The following PARVB variants were observed in gnomAD, a reference collection of about 807,000 sequenced individuals.
PARVB encodes beta-parvin.
A neutral mutation model predicts 47.0 loss-of-function variants in PARVB; 46 were observed. The observed-to-expected ratio is 0.98, with a 90% CI of 0.77 to 1.25. PARVB has a LOEUF of 1.25. Among genes scored for constraint, PARVB ranks in the 50% most tolerant of loss-of-function variants. The pLI is 0.00. For missense variants in PARVB, 473 were observed against 471.6 expected (o/e 1.00, Z -0.03); for synonymous variants, 196 against 196.3 (o/e 1.00, Z 0.01).
At position 44,039,888 on chromosome 22, in the gene PARVB, C is replaced by T. The variant is rs751817609; in HGVS notation, c.112+15437C>T. On this transcript the variant is annotated intron_variant, in intron 1 of 12. Transcript: ENST00000338758. Reference sequence around the variant, plus strand: ...GAAGTGCAGTGGTGCAGTCATAGCTCACTGCAGCCTCGAACTCCTGGCCTC... The same window carrying T: ...GAAGTGCAGTGGTGCAGTCATAGCTTACTGCAGCCTCGAACTCCTGGCCTC... 2.9e-5 allele frequency: 13 copies of T among 455,108 alleles called. No homozygotes were observed. In the East Asian group the frequency reaches 4.2e-4, roughly 15 times the overall value. 28.2% of individuals were successfully genotyped at this position (455,108 alleles called of 1,614,324 possible).
In PARVB at chr22:44,016,085, TTC is replaced by T. The variant is rs59304010; in HGVS notation, c.211+16414_211+16415del. Among the ~76,000 whole-genome samples, 169 of 108,542 alleles carry T rather than the reference TTC, an allele frequency of 1.6e-3. 2 individuals are homozygous for T. The highest frequency in any genetic ancestry group is 7.1e-3 in the African/African-American group (163 of 23,046). The allele number at this position is 108,542 out of a possible 152,430, so 71.2% of individuals were successfully genotyped here. A position where few individuals can be genotyped will look rare whatever the true frequency, so the allele number is the denominator to read the frequency against. On this transcript the variant is annotated intron_variant, in intron 2 of 13. Coordinates refer to the PARVB transcript ENST00000406477. ...AGAGCTCTTCTCTGTCTTTTTCTTT[TTC>T]TTTCTTTCTTTCTTTTTTTTTTTTT...
intron 1 of PARVB, chr22:44,069,027 G>A (rs759863604): frequency 5.7e-6 from 7 of 1,217,678 alleles, no homozygotes; most frequent in African/African-American, 1.5e-5. Flanking sequence ...CCCCAAAGAG[G>A]CTTTCCCTTG....
At chr22:44,030,815 C>T (rs970058949) in intron 1 of PARVB, among the ~76,000 whole-genome samples, 3 of 152,136 alleles carry the variant, frequency 2.0e-5, no homozygotes, top group South Asian at 2.1e-4. Context: ...GACTTCTTCT[C>T]GTTTCCAGGC....
chr22:44,087,493 C>T (rs983695927), intron 1 of PARVB, among the ~76,000 whole-genome samples: 1 of 152,190 alleles, frequency 6.6e-6, no homozygotes, highest in Non-Finnish European at 1.5e-5. Context: ...CCCCCGTGTC[C>T]TGCCCTGGTT....
intron 3 of PARVB, chr22:44,113,815 A>T (rs2052778798): frequency 1.5e-5 from 1 of 67,320 alleles, no homozygotes; most frequent in Admixed American, 1.3e-4. Flanking sequence ...ACCAACACAG[A>T]TACGTTGTTA....
At chr22:44,058,809 C>G (rs997957937) in intron 1 of PARVB, among the ~76,000 whole-genome samples, 1 of 152,120 alleles carries the variant, frequency 6.6e-6, no homozygotes, top group Non-Finnish European at 1.5e-5. Flanking sequence ...CCTGCCTCAG[C>G]CTCCCAAAGT....
Position 44,068,184 on chromosome 22 carries a change from G to C in PARVB, c.113-25744G>C, listed in dbSNP as rs571042846. Among the ~76,000 whole-genome samples the C allele has an allele frequency of 9.2e-5, 14 of 152,326 alleles. No homozygotes were observed. The South Asian group carries it at 2.9e-3, about 32-fold the overall frequency. ...AAAGAGCTTCCACAGGGAGTTGGGG[G>C]ACTGGTAATTGGAATAAATAAAAGC... On this transcript the variant is annotated intron_variant, in intron 1 of 12. Transcript: ENST00000338758. This position sits in a 1 kb window ranked among gnomAD's most constrained non-coding sequence, Gnocchi z 4.1.
At chr22:44,122,941 C>T (rs1047484776) in intron 4 of PARVB, among the ~76,000 whole-genome samples, 2 of 152,144 alleles carry the variant, frequency 1.3e-5, no homozygotes, top group African/African-American at 2.4e-5. Flanking sequence ...TTTCTATCAC[C>T]AGTAATATTG....
In PARVB at chr22:44,049,416, T is replaced by G. The variant is rs1165749116; in HGVS notation, c.112+24965T>G. Among the ~76,000 whole-genome samples, 2 of 152,230 alleles carry G rather than the reference T, an allele frequency of 1.3e-5. No homozygotes were observed. Among genetic ancestry groups the G allele is most frequent in the Non-Finnish European group, 2.9e-5 (2 of 68,038 alleles). Reference sequence around the variant, plus strand: ...AAGTTTAGCTCCTGTCTGATTAAATTTGAGGTTCGTTTCTCAAGTTTAGCT... The same window carrying G: ...AAGTTTAGCTCCTGTCTGATTAAATGTGAGGTTCGTTTCTCAAGTTTAGCT... On this transcript the variant is annotated intron_variant, in intron 1 of 12. Transcript: ENST00000338758. The surrounding 1 kb of genome is among the most constrained non-coding windows in gnomAD (Gnocchi z 4.0).
At chr22:44,029,755 CA>C (rs1294975549) in intron 1 of PARVB, among the ~76,000 whole-genome samples, 1 of 151,574 alleles carries the variant, frequency 6.6e-6, no homozygotes. Context: ...ACTAAAAATA[CA>C]AAAATTAGCC....
chr22:44,157,870 G>A, intron 10 of PARVB, 112 bp from the exon 11 acceptor site: 1 of 707,604 alleles, frequency 1.4e-6, no homozygotes, highest in Non-Finnish European at 2.5e-6. Flanking sequence ...TCCAGCCTGG[G>A]TGACAGAGTG....
intron 8 of PARVB, chr22:44,145,852 T>C (rs2053652867): frequency 6.6e-6 from 1 of 152,230 alleles, no homozygotes; most frequent in African/African-American, 2.4e-5. Context: ...GGGTTTTTCT[T>C]AAGCTGCATT....
At chr22:44,050,168 C>T (rs1448358524) in intron 1 of PARVB, among the ~76,000 whole-genome samples, 8 of 152,174 alleles carry the variant, frequency 5.3e-5, no homozygotes, top group Admixed American at 5.2e-4. Flanking sequence ...ACTGCCTTTA[C>T]ACTTCTTCAG....
At chr22:44,073,954 G>A (rs990903228) in intron 1 of PARVB, among the ~76,000 whole-genome samples, 1 of 152,256 alleles carries the variant, frequency 6.6e-6, no homozygotes, top group Non-Finnish European at 1.5e-5. Flanking sequence ...TGTATTTTGT[G>A]CAGCCATTTG....
At chr22:44,069,686 G>A (rs2051611731) in intron 1 of PARVB, among the ~76,000 whole-genome samples, 1 of 152,070 alleles carries the variant, frequency 6.6e-6, no homozygotes, top group Non-Finnish European at 1.5e-5. Flanking sequence ...CCGCCACCGC[G>A]CCTGGCTAAT....
chr22:44,040,986 G>T (rs2051008954), intron 1 of PARVB, among the ~76,000 whole-genome samples: 1 of 151,766 alleles, frequency 6.6e-6, no homozygotes, highest in Non-Finnish European at 1.5e-5. Context: ...CTGGGCGACA[G>T]AGCAAGACTC....
chr22:44,157,041 TA>T (rs1270404002), intron 10 of PARVB, among the ~76,000 whole-genome samples: 1 of 152,266 alleles, frequency 6.6e-6, no homozygotes, highest in Non-Finnish European at 1.5e-5. Context: ...ATGTATATTT[TA>T]TCACAATAAA....
chr22:44,016,215 G>A (rs2050578085), intron 2 of PARVB, among the ~76,000 whole-genome samples: 1 of 151,006 alleles, frequency 6.6e-6, no homozygotes, highest in South Asian at 2.1e-4. Context: ...TCCTGCCTCA[G>A]CCTCCCGAGT....
At chr22:44,057,769 G>A (rs375210393) in intron 1 of PARVB, among the ~76,000 whole-genome samples, 9 of 152,198 alleles carry the variant, frequency 5.9e-5, no homozygotes, top group African/African-American at 2.2e-4. Flanking sequence ...GGAGGGAGAG[G>A]AGAGAGAGGG....
Sources: gnomAD v4.1 joint callset for allele counts (sites outside exome capture counted in the v4.1 genomes callset) on GRCh38, gnomAD v4.1.1 for gene constraint, Gnocchi (gnomAD v3.1) non-coding constraint, MANE v1.5 for transcripts, NCBI Gene and HGNC (gene_info 2026-07-23, HGNC 2026-07-21) for gene names.